The following PFKFB3 variants were observed in gnomAD, a reference collection of about 807,000 sequenced individuals.
PFKFB3 encodes the protein 6-phosphofructo-2-kinase/fructose-2,6-bisphosphatase 3.
A neutral mutation model predicts 68.0 loss-of-function variants in PFKFB3; 33 were observed. That is an observed-to-expected ratio of 0.49 (90% CI 0.37 to 0.65). PFKFB3 has a LOEUF of 0.65. Ranked by LOEUF, PFKFB3 falls within the 30% of genes least tolerant of loss-of-function variation. PFKFB3 has a pLI of 0.00. For synonymous variants in PFKFB3, 315 were observed against 288.2 expected, an observed-to-expected ratio of 1.09 and a Z score of -0.94; for missense variants, 586 against 712.2, an observed-to-expected ratio of 0.82 and a Z score of 2.02.
At chr10:6,262,841 G>A in the PFKFB3 span, among the ~76,000 whole-genome samples, 4 of 152,308 alleles carry the variant, frequency 2.6e-5, no homozygotes, top group African/African-American at 9.6e-5. Context: ...CCCTCACAGC[G>A]AGGAGACTCA....
the PFKFB3 span, among the ~76,000 whole-genome samples, chr10:6,273,548 C>T: frequency 2.0e-5 from 3 of 152,164 alleles, no homozygotes; most frequent in Non-Finnish European, 4.4e-5. Flanking sequence ...CTAAGGAAAG[C>T]ATGGAGATTG....
chr10:6,241,448 A>T (rs978708497), intron 14 of PFKFB3, among the ~76,000 whole-genome samples: 1 of 152,190 alleles, frequency 6.6e-6, no homozygotes, highest in African/African-American at 2.4e-5. Flanking sequence ...TTTAGGAAGG[A>T]GTCACTTAGT....
chr10:6,257,170 C>T (rs1011755690), downstream of PFKFB3, among the ~76,000 whole-genome samples: 12 of 152,172 alleles, frequency 7.9e-5, no homozygotes, highest in African/African-American at 2.9e-4. Context: ...TGGGAAGAGA[C>T]AGGCACTGCT....
intron 1 of PFKFB3, among the ~76,000 whole-genome samples, chr10:6,189,895 A>G (rs983756372): frequency 8.5e-5 from 13 of 152,076 alleles, no homozygotes; most frequent in African/African-American, 3.1e-4. Context: ...TCCCTTTGTG[A>G]TAAGTAAGGA....
chr10:6,243,859 G>T (rs190440489), intron 14 of PFKFB3, among the ~76,000 whole-genome samples: 218 of 152,244 alleles, frequency 1.4e-3, no homozygotes, highest in Non-Finnish European at 2.4e-3. Context: ...AAATAGCTGG[G>T]ATTACTTAGT....
Position 6,176,942 on chromosome 10 carries a change from G to A in PFKFB3, c.16+31929G>A, listed in dbSNP as rs535444793. ...CTGGTGGGACTCACGAGTGAGTTCCGGACAGGACAGGAGACGGCTGTCACT... is the reference window on the plus strand; with the variant it reads ...CTGGTGGGACTCACGAGTGAGTTCCAGACAGGACAGGAGACGGCTGTCACT... On this transcript the variant is annotated intron_variant, in intron 1 of 14. Transcript: ENST00000379789. Among the ~76,000 whole-genome samples the A allele has an allele frequency of 3.3e-5, 5 of 152,254 alleles. No individual in the cohort carries two copies. In the East Asian group the frequency reaches 5.8e-4, roughly 18 times the overall value.
At chr10:6,262,311 G>A in the PFKFB3 span, among the ~76,000 whole-genome samples, 39 of 151,484 alleles carry the variant, frequency 2.6e-4, no homozygotes, top group East Asian at 7.8e-4. Context: ...AAAATTAGCC[G>A]GGTGGGGTGG....
At chr10:6,257,541 C>G (rs747487469), downstream of PFKFB3, among the ~76,000 whole-genome samples, 3 of 151,952 alleles carry the variant, frequency 2.0e-5, no homozygotes, top group African/African-American at 7.3e-5. Flanking sequence ...AGTTGAGGAC[C>G]CTGTTGTAGG....
chr10:6,296,732 A>T, the PFKFB3 span, among the ~76,000 whole-genome samples: 1 of 152,176 alleles, frequency 6.6e-6, no homozygotes, highest in Non-Finnish European at 1.5e-5. Context: ...AATGCATTAT[A>T]ATTAGCATGT....
the PFKFB3 span, among the ~76,000 whole-genome samples, chr10:6,288,180 G>A: frequency 4.2e-5 from 6 of 144,548 alleles, no homozygotes; most frequent in Middle Eastern, 3.3e-3. Flanking sequence ...TTTTTCTTTC[G>A]TCTGGCTTCT....
chr10:6,193,919 C>T (rs538262420), intron 1 of PFKFB3, among the ~76,000 whole-genome samples: 18 of 152,254 alleles, frequency 1.2e-4, no homozygotes, highest in Admixed American at 4.6e-4. Flanking sequence ...TCAGTTAAGT[C>T]GATTTTCACT....
chr10:6,259,467 C>T (rs1194060033), downstream of PFKFB3, among the ~76,000 whole-genome samples: 1 of 151,802 alleles, frequency 6.6e-6, no homozygotes, highest in Admixed American at 6.6e-5. Context: ...TCCATCCACT[C>T]ATCCATTCAT....
intron 1 of PFKFB3, among the ~76,000 whole-genome samples, chr10:6,195,679 G>A (rs1843157879): frequency 6.6e-6 from 1 of 152,230 alleles, no homozygotes; most frequent in African/African-American, 2.4e-5. Context: ...CCAGCAGAGA[G>A]TATTCGGGGG....
chr10:6,151,807 G>A (rs976146608), intron 1 of PFKFB3, among the ~76,000 whole-genome samples: 20 of 152,148 alleles, frequency 1.3e-4, no homozygotes, highest in Non-Finnish European at 2.2e-4. Flanking sequence ...CCTGTTTGAT[G>A]CAGGCGGACT....
At chr10:6,237,766 A>G (rs970545851), downstream of PFKFB3, among the ~76,000 whole-genome samples, 20 of 151,872 alleles carry the variant, frequency 1.3e-4, no homozygotes, top group African/African-American at 3.6e-4. Context: ...AGGTTTCGCC[A>G]TGTTGCCCAG....
chr10:6,166,919 T>C (rs1262002747), intron 1 of PFKFB3, among the ~76,000 whole-genome samples: 1 of 149,978 alleles, frequency 6.7e-6, no homozygotes, highest in African/African-American at 2.5e-5. Flanking sequence ...AACCTCTGCC[T>C]CCCAGTTTAA....
At chr10:6,308,970 A>G in the PFKFB3 span, among the ~76,000 whole-genome samples, 2 of 152,238 alleles carry the variant, frequency 1.3e-5, no homozygotes, top group Non-Finnish European at 2.9e-5. Context: ...ATGTGCCAAC[A>G]AGTCCATGGG....
At position 6,229,143 on chromosome 10, in the gene PFKFB3, G is replaced by A. The variant is rs770743591; in HGVS notation, c.1515+2778G>A. 1 of 512,376 alleles carries A rather than the reference G, an allele frequency of 2.0e-6. No individual in the cohort carries two copies. The highest frequency in any genetic ancestry group is 5.8e-5 in the East Asian group (1 of 17,254). The allele number at this position is 512,376 out of a possible 1,614,324, so 31.7% of individuals were successfully genotyped here. A position where few individuals can be genotyped will look rare whatever the true frequency, so the allele number is the denominator to read the frequency against. On this transcript the variant is annotated intron_variant, in intron 14 of 14. Transcript: ENST00000379775. This position sits in a 1 kb window ranked among gnomAD's most constrained non-coding sequence, Gnocchi z 4.3. ...AGGTGTGATGAGGAATGCAGCCTGAGATGCTGAAAAGAATGACTGGCTTTG... is the reference window on the plus strand; with the variant it reads ...AGGTGTGATGAGGAATGCAGCCTGAAATGCTGAAAAGAATGACTGGCTTTG...
chr10:6,199,067 T>C (rs1426153307), upstream of PFKFB3, among the ~76,000 whole-genome samples: 1 of 152,208 alleles, frequency 6.6e-6, no homozygotes, highest in African/African-American at 2.4e-5. Flanking sequence ...CCCCGTGTCT[T>C]TGGCTGGTGA....
Sources: gnomAD v4.1 joint callset for allele counts (sites outside exome capture counted in the v4.1 genomes callset) on GRCh38, gnomAD v4.1.1 for gene constraint, Gnocchi (gnomAD v3.1) non-coding constraint, MANE v1.5 for transcripts, NCBI Gene and HGNC (gene_info 2026-07-23, HGNC 2026-07-21) for gene names.